The following RBFOX3 variants were observed in gnomAD, a reference collection of about 807,000 sequenced individuals.
RBFOX3 encodes the protein RNA binding fox-1 homolog 3, also known as RNA binding protein fox-1 homolog 3.
RBFOX3 carries 17 observed loss-of-function variants against 48.7 expected under a neutral mutation model. That is an observed-to-expected ratio of 0.35 (90% CI 0.24 to 0.52). The LOEUF is 0.52. Ranked by LOEUF, RBFOX3 falls within the 20% of genes least tolerant of loss-of-function variation. The pLI is 0.94. For missense variants in RBFOX3, 382 were observed against 497.5 expected (o/e 0.77, Z 2.21); for synonymous variants, 212 against 209.5 (o/e 1.01, Z -0.10).
At chr17:79,119,574 C>T (rs1413159662) in intron 4 of RBFOX3, among the ~76,000 whole-genome samples, 3 of 152,150 alleles carry the variant, frequency 2.0e-5, no homozygotes, top group Admixed American at 6.5e-5. Flanking sequence ...CTGCAATGCA[C>T]GGGGATGGGC....
At chr17:79,500,234 C>T (rs2149719835) in intron 1 of RBFOX3, among the ~76,000 whole-genome samples, 1 of 150,866 alleles carries the variant, frequency 6.6e-6, no homozygotes, top group Non-Finnish European at 1.5e-5. Context: ...GACTTGTGAA[C>T]CATAAAGAGA....
chr17:79,473,528 A>C lies in RBFOX3; in HGVS notation c.-175+8926T>G, dbSNP rs1357572709. 6.6e-6 allele frequency among the ~76,000 whole-genome samples: 1 copy of C among 152,220 alleles called. No homozygotes were observed. Among genetic ancestry groups the C allele is most frequent in the Non-Finnish European group, 1.5e-5 (1 of 68,036 alleles). ...ACTGTTCTGGACACTCCAGGCACAC[A>C]GATGCCTCCCACAAGAAGTTGTGTT... is the stretch of plus-strand genomic sequence containing the variant. On this transcript the variant is annotated intron_variant, in intron 2 of 14. Transcript: ENST00000693108. This position sits in a 1 kb window ranked among gnomAD's most constrained non-coding sequence, Gnocchi z 4.2.
intron 1 of RBFOX3, among the ~76,000 whole-genome samples, chr17:79,509,040 T>G (rs961565215): frequency 5.9e-5 from 9 of 152,080 alleles, no homozygotes; most frequent in Non-Finnish European, 1.3e-4. Flanking sequence ...GCTGACGAAG[T>G]CAGAGCCCAG....
intron 2 of RBFOX3, among the ~76,000 whole-genome samples, chr17:79,393,456 C>T (rs751520324): frequency 2.6e-4 from 40 of 152,262 alleles, no homozygotes; most frequent in Non-Finnish European, 4.7e-4. Flanking sequence ...TGGTCCCTGG[C>T]GCCACCTCGC....
the RBFOX3 span, among the ~76,000 whole-genome samples, chr17:79,660,148 C>T: frequency 1.3e-5 from 2 of 152,158 alleles, no homozygotes; most frequent in South Asian, 4.1e-4. Flanking sequence ...GATAACACCA[C>T]TGCGTTCCAG....
Position 79,115,535 on chromosome 17 carries a change from C to A in RBFOX3, c.181G>T (p.Glu61Ter). 7.4e-7 allele frequency: 1 copy of A among 1,344,958 alleles called. No individual in the cohort carries two copies. The allele number at this position is 1,344,958 out of a possible 1,614,324, so 83.3% of individuals were successfully genotyped here. The part of the protein sequence containing the change: ...AQTHPEQPGS[E>*]ASTQPIAGTQ... Reference sequence around the variant, plus strand: ...CCGGCGATGGGCTGTGTGCTGGCCTCGGAGCCTGGCTGCTCGGGGTGGGTC... The same window carrying A: ...CCGGCGATGGGCTGTGTGCTGGCCTAGGAGCCTGGCTGCTCGGGGTGGGTC... The change falls in exon 5 of 15, where the codon GAG becomes TAG. Residue 61 changes from glutamate to a stop codon, truncating the protein, a stop_gained. Coordinates refer to ENST00000693108, the MANE Select transcript of RBFOX3 (RefSeq NM_001350451.2). LOFTEE classifies it high-confidence loss of function.
intron 2 of RBFOX3, among the ~76,000 whole-genome samples, chr17:79,394,822 G>A (rs369276173): frequency 7.2e-5 from 11 of 152,174 alleles, no homozygotes; most frequent in South Asian, 2.1e-4. Context: ...GAGACGTCCC[G>A]GGCCCTCGCT....
chr17:79,500,825 G>A (rs1169087952), intron 1 of RBFOX3, among the ~76,000 whole-genome samples: 1 of 152,218 alleles, frequency 6.6e-6, no homozygotes, highest in Non-Finnish European at 1.5e-5. Context: ...GAAGAATGAC[G>A]TTGAGGGCAG....
At chr17:79,319,038 A>G (rs2078001314) in intron 2 of RBFOX3, among the ~76,000 whole-genome samples, 1 of 151,740 alleles carries the variant, frequency 6.6e-6, no homozygotes, top group African/African-American at 2.4e-5. Flanking sequence ...AAAAAAAAAA[A>G]GAAATTTGAC....
chr17:79,185,206 G>A (rs1041016426), intron 4 of RBFOX3, among the ~76,000 whole-genome samples: 11 of 152,220 alleles, frequency 7.2e-5, no homozygotes, highest in African/African-American at 2.2e-4. Context: ...CCATCTAGCC[G>A]TGTGGTCTGA....
intron 1 of RBFOX3, among the ~76,000 whole-genome samples, chr17:79,521,751 A>C (rs1442235371): frequency 6.6e-6 from 1 of 152,248 alleles, no homozygotes; most frequent in African/African-American, 2.4e-5. Context: ...ATATACATAC[A>C]CAAATACATA....
chr17:79,548,140 G>C (rs143308235), intron 1 of RBFOX3, among the ~76,000 whole-genome samples: 3 of 152,248 alleles, frequency 2.0e-5, no homozygotes, highest in African/African-American at 7.2e-5. Flanking sequence ...AGTGCGGCAC[G>C]GGCTGTGCCT....
At chr17:79,149,813 C>T (rs2043919277) in intron 4 of RBFOX3, among the ~76,000 whole-genome samples, 1 of 151,358 alleles carries the variant, frequency 6.6e-6, no homozygotes, top group East Asian at 2.0e-4. Flanking sequence ...TGAGCTTCCA[C>T]TGAGCATCTC....
chr17:79,656,314 A>T, the RBFOX3 span, among the ~76,000 whole-genome samples: 62 of 152,268 alleles, frequency 4.1e-4, no homozygotes, highest in Non-Finnish European at 7.4e-4. Context: ...CTGTGTGCCA[A>T]TGAAACTTTA....
intron 1 of RBFOX3, among the ~76,000 whole-genome samples, chr17:79,580,473 T>C (rs1375604986): frequency 6.6e-6 from 1 of 151,962 alleles, no homozygotes; most frequent in Non-Finnish European, 1.5e-5. Context: ...CCCATTCTTA[T>C]TGCTTCCATC....
intron 4 of RBFOX3, among the ~76,000 whole-genome samples, chr17:79,232,607 A>G (rs749051213): frequency 1.1e-4 from 17 of 152,284 alleles, no homozygotes; most frequent in Non-Finnish European, 2.5e-4. Context: ...CTCAATCTAT[A>G]GCTTGCCCCA....
intron 3 of RBFOX3, among the ~76,000 whole-genome samples, chr17:79,307,359 A>G (rs1236996045): frequency 6.6e-6 from 1 of 152,232 alleles, no homozygotes; most frequent in Admixed American, 6.5e-5. Flanking sequence ...CATTTATATT[A>G]ATGACTCCTG....
upstream of RBFOX3, among the ~76,000 whole-genome samples, chr17:79,611,195 C>T (rs1333296085): frequency 7.5e-6 from 1 of 132,568 alleles, no homozygotes; most frequent in African/African-American, 2.8e-5. Context: ...CTCTCTCTCT[C>T]TCTCTCTCTC....
intron 14 of RBFOX3, chr17:79,092,485 C>T (rs2074124148): frequency 2.4e-5 from 24 of 985,978 alleles, no homozygotes; most frequent in Non-Finnish European, 2.9e-5. Context: ...CCGTGCGTGT[C>T]GCTGACCGGG....
Sources: gnomAD v4.1 joint callset for allele counts (sites outside exome capture counted in the v4.1 genomes callset) on GRCh38, gnomAD v4.1.1 for gene constraint, Gnocchi (gnomAD v3.1) non-coding constraint, MANE v1.5 for transcripts, NCBI Gene and HGNC (gene_info 2026-07-23, HGNC 2026-07-21) for gene names.